Variants in KIF26B observed in about 807,000 individuals in gnomAD.
KIF26B encodes the protein kinesin-like protein KIF26B.
Under a neutral mutation model 151.2 loss-of-function variants are expected in KIF26B, and 63 were observed. That is an observed-to-expected ratio of 0.42 (90% confidence interval 0.34 to 0.51). The LOEUF is 0.51. KIF26B is among the 20% of genes least tolerant of loss of function. The pLI is 0.07. For missense variants in KIF26B, 2,813 were observed against 2,913.6 expected (o/e 0.97, Z 0.79); for synonymous variants, 1,357 against 1,262.1 (o/e 1.08, Z -1.59).
At chr1:245,171,543 C>CA (rs964519193) in intron 2 of KIF26B, among the ~76,000 whole-genome samples, 11 of 148,326 alleles carry the variant, frequency 7.4e-5, no homozygotes, top group Non-Finnish European at 8.9e-5. Flanking sequence ...GACTCCATCT[C>CA]AAAAAAAAAA....
intron 4 of KIF26B, among the ~76,000 whole-genome samples, chr1:245,487,578 G>A (rs1005794292): frequency 2.0e-5 from 3 of 152,010 alleles, no homozygotes; most frequent in African/African-American, 2.4e-5. Flanking sequence ...GTAGTCTTGA[G>A]GCCTGAACTC....
At position 245,279,301 on chromosome 1, in the gene KIF26B, T is replaced by TC. The variant is rs574308686; in HGVS notation, c.466-87532dup. On this transcript the variant is annotated intron_variant, in intron 2 of 14. Coordinates refer to ENST00000407071, the MANE Select transcript of KIF26B (RefSeq NM_018012.4). ...ATTCACTTTCTTTTCTTTCCTTTTT[T>TC]CTTTCTTTTTTTTTTTTTTTTTAGA... Among the ~76,000 whole-genome samples the TC allele has an allele frequency of 2.1e-3, 302 of 146,666 alleles. 1 individual carries two copies. Among genetic ancestry groups the TC allele is most frequent in the Non-Finnish European group, 2.8e-3 (185 of 66,498 alleles).
chr1:245,501,533 C>T (rs1220935268), intron 4 of KIF26B, among the ~76,000 whole-genome samples: 1 of 152,174 alleles, frequency 6.6e-6, no homozygotes, highest in Non-Finnish European at 1.5e-5. Context: ...CCTACATTTA[C>T]AAAGAGATGA....
chr1:245,598,222 G>C (rs942264842), intron 5 of KIF26B, among the ~76,000 whole-genome samples: 1 of 152,084 alleles, frequency 6.6e-6, no homozygotes, highest in Non-Finnish European at 1.5e-5. Context: ...CCAAGACTCG[G>C]GTTCCTGTGT....
In KIF26B at chr1:245,416,112, C is replaced by CAAAAAAAAA. The variant is rs375247191; in HGVS notation, c.1000-3458_1000-3450dup. 5.8e-4 allele frequency among the ~76,000 whole-genome samples: 73 copies of CAAAAAAAAA among 124,834 alleles called. 1 individual carries two copies. The highest frequency in any genetic ancestry group is 2.0e-3 in the African/African-American group (67 of 32,948). 81.9% of individuals were successfully genotyped at this position (124,834 alleles called of 152,430 possible). A position where few individuals can be genotyped will look rare whatever the true frequency, so the allele number is the denominator to read the frequency against. On this transcript the variant is annotated intron_variant, in intron 3 of 14. Coordinates refer to ENST00000407071, the MANE Select transcript of KIF26B (RefSeq NM_018012.4). ...AGAAACCCCGTCTCTAGTAAAAATA[C>CAAAAAAAAA]AAAAAAAAAAAAAAAAAGTTAGCCA...
rs2044734271 is a variant in KIF26B, at chr1:245,699,028, C to A, written c.6169C>A (p.Leu2057Ile). The A allele has an allele frequency of 6.2e-7, 1 of 1,613,486 alleles. No homozygotes were observed. Among genetic ancestry groups the A allele is most frequent in the Admixed American group, 1.7e-5 (1 of 59,960 alleles). The change falls in exon 14 of 15, where the codon CTC becomes ATC. Residue 2057 changes from leucine (L) to isoleucine (I), a missense_variant. Transcript: ENST00000407071. Reference sequence around the variant, plus strand: ...TCTGATGCTGGATCCCAACAAGTGGCTCAGTGAATGTAAGGCCGGGGTGCC... The same window carrying A: ...TCTGATGCTGGATCCCAACAAGTGGATCAGTGAATGTAAGGCCGGGGTGCC... ...QYLMLDPNKW[L>I]SEFDLEQVWE...
At chr1:245,313,493 C>T (rs1046328162) in intron 2 of KIF26B, among the ~76,000 whole-genome samples, 4 of 152,154 alleles carry the variant, frequency 2.6e-5, no homozygotes, top group African/African-American at 7.2e-5. Context: ...GATGCACGGG[C>T]GGTTGTGAAA....
chr1:245,287,695 A>T (rs1301510273), intron 2 of KIF26B, among the ~76,000 whole-genome samples: 1 of 151,606 alleles, frequency 6.6e-6, no homozygotes, highest in East Asian at 1.9e-4. Flanking sequence ...TAGAGACGGG[A>T]TTTCTCCATA....
At chr1:245,624,379 A>G (rs1300016761) in intron 9 of KIF26B, among the ~76,000 whole-genome samples, 1 of 151,806 alleles carries the variant, frequency 6.6e-6, no homozygotes, top group Non-Finnish European at 1.5e-5. Flanking sequence ...TGCTTGTACT[A>G]TTTTATATGG....
chr1:245,336,640 A>T (rs992004187), intron 2 of KIF26B, among the ~76,000 whole-genome samples: 1 of 152,186 alleles, frequency 6.6e-6, no homozygotes, highest in African/African-American at 2.4e-5. Context: ...AGAGCACCTG[A>T]AGCCGCCTCC....
At chr1:245,568,184 CAAAAAAAAAAAAAAAAA>C (rs61494632) in intron 5 of KIF26B, among the ~76,000 whole-genome samples, 5 of 28,674 alleles carry the variant, frequency 1.7e-4, no homozygotes, top group African/African-American at 2.7e-4. Context: ...AACTCCATCT[CAAAAAAAAAAAAAAAAA>C]AAAAAAAAAA....
intron 2 of KIF26B, among the ~76,000 whole-genome samples, chr1:245,269,186 G>A (rs1006814216): frequency 7.0e-6 from 1 of 143,528 alleles, no homozygotes; most frequent in African/African-American, 2.6e-5. Flanking sequence ...CCCACCGAAC[G>A]GCTCCTCTCC....
At chr1:245,440,114 G>A (rs1305395222) in intron 4 of KIF26B, among the ~76,000 whole-genome samples, 5 of 152,182 alleles carry the variant, frequency 3.3e-5, no homozygotes, top group South Asian at 4.1e-4. Flanking sequence ...CCAGCTACTC[G>A]GGAGGCTGAG....
At chr1:245,359,777 A>G (rs1442542019) in intron 2 of KIF26B, among the ~76,000 whole-genome samples, 1 of 151,048 alleles carries the variant, frequency 6.6e-6, no homozygotes, top group Non-Finnish European at 1.5e-5. Context: ...TGCTGGCTCA[A>G]CTGATCCACC....
intron 10 of KIF26B, among the ~76,000 whole-genome samples, chr1:245,681,425 G>A (rs1463672496): frequency 6.6e-6 from 1 of 152,104 alleles, no homozygotes; most frequent in African/African-American, 2.4e-5. Context: ...TAGCCAGGAT[G>A]TTCTTGATCT....
intron 4 of KIF26B, among the ~76,000 whole-genome samples, chr1:245,467,267 G>A (rs930279395): frequency 6.6e-6 from 1 of 152,184 alleles, no homozygotes; most frequent in Admixed American, 6.5e-5. Flanking sequence ...GAAAAAAGTG[G>A]CACCAAGATG....
intron 2 of KIF26B, among the ~76,000 whole-genome samples, chr1:245,194,669 C>T (rs1490502681): frequency 3.3e-5 from 5 of 152,178 alleles, no homozygotes; most frequent in Non-Finnish European, 5.9e-5. Context: ...CGAGCCACTG[C>T]ACCTGGCCTG....
intron 4 of KIF26B, among the ~76,000 whole-genome samples, chr1:245,457,591 C>T (rs138998687): frequency 6.6e-6 from 1 of 152,176 alleles, no homozygotes; most frequent in African/African-American, 2.4e-5. Flanking sequence ...TCTCATCCCC[C>T]TTTCATCTAT....
intron 12 of KIF26B, among the ~76,000 whole-genome samples, chr1:245,691,542 C>T (rs567669434): frequency 1.3e-5 from 2 of 152,082 alleles, no homozygotes; most frequent in African/African-American, 2.4e-5. Flanking sequence ...TTAAGAGAAA[C>T]GGTGGCTGTC....
Sources: allele counts gnomAD v4.1 joint callset (sites outside exome capture counted in the v4.1 genomes callset), GRCh38; gene constraint gnomAD v4.1.1; transcripts MANE v1.5; gene names NCBI Gene and HGNC (gene_info 2026-07-23, HGNC 2026-07-21).